The following SPEN variants were observed in gnomAD, a reference collection of about 807,000 sequenced individuals.
SPEN encodes msx2-interacting protein.
A neutral mutation model predicts 269.9 loss-of-function variants in SPEN; 18 were observed. The observed-to-expected ratio is 0.07, with a 90% CI of 0.05 to 0.10. SPEN has a LOEUF of 0.10. Ranked by LOEUF, SPEN falls within the 10% of genes least tolerant of loss-of-function variation. SPEN has a pLI of 1.00. For missense variants in SPEN, 3,822 were observed against 4,631.2 expected, an observed-to-expected ratio of 0.83 and a Z score of 5.07; for synonymous variants, 1,726 against 1,765.7, an observed-to-expected ratio of 0.98 and a Z score of 0.56.
intron 2 of SPEN, 93 bp from the exon 3 acceptor site, chr1:15,876,109 A>T: frequency 1.0e-6 from 1 of 965,752 alleles, no homozygotes; most frequent in South Asian, 1.5e-5. Flanking sequence ...AGTTGCAAAG[A>T]CAAAGACAAT....
chr1:15,920,347 G>C (rs66816424), intron 8 of SPEN, among the ~76,000 whole-genome samples: 10,753 of 152,208 alleles, frequency 0.071, 440 homozygotes, highest in Non-Finnish European at 0.082. Context: ...GAGATTACAG[G>C]CACTGCGCCT....
chr1:15,937,726 A>G lies in SPEN; in HGVS notation c.10509+81A>G. The stretch of plus-strand genomic sequence containing the variant: ...TGTCCTAAGATTCCCTAGTTAACAG[A>G]CCCACAAGCTACAGCCTCTGGCTGT... On this transcript the variant is annotated intron_variant, in intron 12 of 14. Transcript: ENST00000375759. This position sits in a 1 kb window ranked among gnomAD's most constrained non-coding sequence, Gnocchi z 5.7. 6.2e-7 allele frequency: 1 copy of G among 1,606,132 alleles called. No individual in the cohort carries two copies. The highest frequency in any genetic ancestry group is 8.5e-7 in the Non-Finnish European group (1 of 1,175,390).
chr1:15,907,018 GTCC>G (rs2148727017), intron 3 of SPEN, among the ~76,000 whole-genome samples: 1 of 152,076 alleles, frequency 6.6e-6, no homozygotes, highest in East Asian at 1.9e-4. Flanking sequence ...GCCTCAAGCA[GTCC>G]TCCTGCCTCA....
At position 15,931,991 on chromosome 1, in the gene SPEN, C is replaced by G. The variant is rs1239934196; in HGVS notation, c.5751C>G (p.Arg1917=). Residue 1917 remains arginine (R), a synonymous_variant, in exon 11 of 15, where the codon CGC becomes CGG. Coordinates refer to ENST00000375759, the MANE Select transcript of SPEN (RefSeq NM_015001.3). The surrounding 1 kb of genome is among the most constrained non-coding windows in gnomAD (Gnocchi z 4.8). ...CAACCATGGGTGACCATGAAAACCG[C>G]TCTCCTGTCAAAGAGCCCGTTGAGC... ...VYATMGDHEN[R]SPVKEPVEQP... is the part of the protein sequence containing the mutation. The G allele has an allele frequency of 6.2e-7, 1 of 1,614,240 alleles. No individual in the cohort carries two copies. Among genetic ancestry groups the G allele is most frequent in the Non-Finnish European group, 8.5e-7 (1 of 1,180,050 alleles).
At position 15,928,144 on chromosome 1, in the gene SPEN, G is replaced by A; in HGVS notation, c.1904G>A (p.Ser635Asn). The A allele has an allele frequency of 6.2e-7, 1 of 1,614,170 alleles. No homozygotes were observed. Among genetic ancestry groups the A allele is most frequent in the Non-Finnish European group, 8.5e-7 (1 of 1,180,030 alleles). The change falls in exon 11 of 15, where the codon AGT (serine) becomes AAT (asparagine). Residue 635 changes from serine to asparagine, a missense_variant. Physicochemically the swap from Ser to Asn is conservative, Grantham distance 46. Around this residue, in one of 16 missense-constraint regions of SPEN, gnomAD observed 230 missense variants for 426.1 expected, o/e 0.54. Transcript: ENST00000375759. This position sits in a 1 kb window ranked among gnomAD's most constrained non-coding sequence, Gnocchi z 5.7. ...AACCAAGATCGTACATATTATGAGA[G>A]TGTTCGAACTCCAGGCACTTATCCT... ...DYNQDRTYYE[S>N]VRTPGTYPED...
intron 1 of SPEN, among the ~76,000 whole-genome samples, chr1:15,860,468 T>TGTGTGTAG (rs1273947660): frequency 1.5e-4 from 22 of 150,140 alleles, no homozygotes; most frequent in Admixed American, 5.3e-4. Context: ...TGTGTGTGTG[T>TGTGTGTAG]GTGTGTGTAG....
chr1:15,852,036 TA>T (rs2070341407), intron 1 of SPEN, among the ~76,000 whole-genome samples: 1 of 152,228 alleles, frequency 6.6e-6, no homozygotes, highest in South Asian at 2.1e-4. Context: ...TTTGCTGATT[TA>T]AAATGTTTGA....
chr1:15,893,350 T>G (rs887890265), intron 3 of SPEN, among the ~76,000 whole-genome samples: 12 of 152,160 alleles, frequency 7.9e-5, no homozygotes, highest in Admixed American at 7.9e-4. Context: ...GAGGGGCAGA[T>G]TAGCTTCCTG....
In SPEN at chr1:15,937,560, A is replaced by C. The variant is rs372349479; in HGVS notation, c.10424A>C (p.His3475Pro). ...PSTPPGLVLP[H>P]TEFQPAPKQD... ...ACCCCACCAGGACTGGTTCTGCCAC[A>C]CACTGAATTCCAGCCAGCCCCCAAA... The change falls in exon 12 of 15, where the codon CAC (histidine) becomes CCC (proline). Residue 3475 changes from histidine (H) to proline (P), a missense_variant. His to Pro is a moderately conservative substitution (Grantham distance 77). Transcript: ENST00000375759. The surrounding 1 kb of genome is among the most constrained non-coding windows in gnomAD (Gnocchi z 5.7). 1 of 1,614,108 alleles carries C rather than the reference A, an allele frequency of 6.2e-7. No homozygotes were observed.
Position 15,933,186 on chromosome 1 carries a change from A to G in SPEN, c.6946A>G (p.Lys2316Glu). Residue 2316 changes from lysine (K) to glutamate (E), a missense_variant, in exon 11 of 15, where the codon AAA (lysine) becomes GAA (glutamate). Transcript: ENST00000375759. The surrounding 1 kb of genome is among the most constrained non-coding windows in gnomAD (Gnocchi z 5.7). The part of the protein sequence containing the change: ...SETSHSVPEA[K>E]GSKEVEVTLV... ...AACCTCACACTCAGTGCCAGAAGCCAAAGGGTCTAAAGAAGTGGAAGTCAC... is the reference window on the plus strand; with the variant it reads ...AACCTCACACTCAGTGCCAGAAGCCGAAGGGTCTAAAGAAGTGGAAGTCAC... The G allele has an allele frequency of 6.2e-7, 1 of 1,614,228 alleles. No homozygotes were observed. Among genetic ancestry groups the G allele is most frequent in the Non-Finnish European group, 8.5e-7 (1 of 1,180,038 alleles).
chr1:15,861,304 G>A (rs1158238875), intron 1 of SPEN, among the ~76,000 whole-genome samples: 4 of 151,718 alleles, frequency 2.6e-5, no homozygotes, highest in African/African-American at 9.7e-5. Flanking sequence ...GCTAATTTTT[G>A]TATTTTTAGT....
chr1:15,849,025 T>C (rs949496502), intron 1 of SPEN, among the ~76,000 whole-genome samples: 1 of 152,188 alleles, frequency 6.6e-6, no homozygotes, highest in Non-Finnish European at 1.5e-5. Context: ...TTGTGAATTA[T>C]AAGAATAAAT....
Position 15,872,328 on chromosome 1 carries a change from C to T in SPEN, c.84-488C>T, listed in dbSNP as rs191654708. On this transcript the variant is annotated intron_variant, in intron 1 of 14. Coordinates refer to ENST00000375759, the MANE Select transcript of SPEN (RefSeq NM_015001.3). Reference sequence around the variant, plus strand: ...AAGGAATGGGCCGGGCGCGGTGGCTCATGCCTGTAATCCCAGCACTTTGGG... The same window carrying T: ...AAGGAATGGGCCGGGCGCGGTGGCTTATGCCTGTAATCCCAGCACTTTGGG... Among the ~76,000 whole-genome samples, 208 of 151,664 alleles carry T rather than the reference C, an allele frequency of 1.4e-3. 1 individual carries two copies. The highest frequency in any genetic ancestry group is 4.8e-3 in the African/African-American group (197 of 41,368).
chr1:15,922,480 T>A, intron 10 of SPEN, 131 bp downstream of exon 10: 2 of 615,894 alleles, frequency 3.2e-6, no homozygotes, highest in Non-Finnish European at 5.5e-6. Context: ...ATGCTTCTCT[T>A]TTATCACTTC....
intron 1 of SPEN, among the ~76,000 whole-genome samples, chr1:15,853,957 G>A (rs1456979921): frequency 6.6e-6 from 1 of 151,956 alleles, no homozygotes; most frequent in Non-Finnish European, 1.5e-5. Flanking sequence ...GAGGCACTGC[G>A]CCTGGCCTAA....
chr1:15,865,247 C>G (rs1414120614), intron 1 of SPEN, among the ~76,000 whole-genome samples: 1 of 151,480 alleles, frequency 6.6e-6, no homozygotes, highest in Non-Finnish European at 1.5e-5. Context: ...GACGGGATTT[C>G]ACCGTCTTGC....
intron 7 of SPEN, 92 bp from the exon 8 acceptor site, chr1:15,919,312 A>G: frequency 1.2e-6 from 1 of 841,426 alleles, no homozygotes; most frequent in Non-Finnish European, 1.9e-6. Context: ...ATTTGATAAG[A>G]TTACTATAGA....
At chr1:15,925,636 T>A (rs935741528) in intron 10 of SPEN, among the ~76,000 whole-genome samples, 1 of 151,432 alleles carries the variant, frequency 6.6e-6, no homozygotes, top group South Asian at 2.1e-4. Flanking sequence ...GCTGTGTTGA[T>A]CCTGCCAGTC....
chr1:15,859,140 GTTTTTTTTT>G (rs34623941), intron 1 of SPEN, among the ~76,000 whole-genome samples: 1 of 135,666 alleles, frequency 7.4e-6, no homozygotes, highest in African/African-American at 2.8e-5. Flanking sequence ...TTCTTTTTTA[GTTTTTTTTT>G]TTTTTTTAAT....
Sources: gnomAD v4.1 joint callset for allele counts (sites outside exome capture counted in the v4.1 genomes callset) on GRCh38, gnomAD v4.1.1 for gene constraint, gnomAD v4.1.1 regional missense constraint, Gnocchi (gnomAD v3.1) non-coding constraint, MANE v1.5 for transcripts, NCBI Gene and HGNC (gene_info 2026-07-23, HGNC 2026-07-21) for gene names.